Variants in SOX5 observed in about 807,000 individuals in gnomAD.
The protein encoded by SOX5 is transcription factor SOX-5.
SOX5 carries 9 observed loss-of-function variants against 92.0 expected under a neutral mutation model. That is an observed-to-expected ratio of 0.10 (90% CI 0.06 to 0.17). The LOEUF (loss-of-function observed/expected upper bound fraction) is 0.17, where lower values mean the gene tolerates loss of function less well. Ranked by LOEUF, SOX5 falls within the 10% of genes least tolerant of loss-of-function variation. SOX5 has a pLI of 1.00. For synonymous variants in SOX5, 344 were observed against 336.3 expected (o/e 1.02, Z -0.25); for missense variants, 642 against 944.5 (o/e 0.68, Z 4.20).
At chr12:24,261,019 T>TA (rs1223685717) in intron 3 of SOX5, among the ~76,000 whole-genome samples, 2 of 152,308 alleles carry the variant, frequency 1.3e-5, no homozygotes, top group East Asian at 3.9e-4. Context: ...TAGTAATTCT[T>TA]ATAGGTTTGT....
intron 7 of SOX5, among the ~76,000 whole-genome samples, chr12:23,645,518 T>C (rs1196560329): frequency 1.3e-5 from 2 of 152,156 alleles, no homozygotes; most frequent in African/African-American, 2.4e-5. Flanking sequence ...TGGTTCTCCA[T>C]CCTAGAGACA....
At position 23,688,584 on chromosome 12, in the gene SOX5, A is replaced by C. The variant is rs750481282; in HGVS notation, c.811-23020T>G. ...TAGTGGTTTCCTATGCCTCACTTAC[A>C]TTCTATACCTCTCTCTATCCCTTAT... On this transcript the variant is annotated intron_variant, in intron 6 of 14. Transcript: ENST00000451604. Among the ~76,000 whole-genome samples the C allele has an allele frequency of 2.0e-5, 3 of 152,048 alleles. No individual in the cohort carries two copies. In the East Asian group the frequency reaches 5.8e-4, roughly 29 times the overall value.
chr12:23,845,312 ATGAT>A (rs2096562800), intron 3 of SOX5, among the ~76,000 whole-genome samples: 2 of 152,332 alleles, frequency 1.3e-5, no homozygotes, highest in African/African-American at 4.8e-5. Context: ...AACATAAAGG[ATGAT>A]TGTCAATTAT....
At chr12:24,478,300 C>G in intron 1 of SOX5, among the ~76,000 whole-genome samples, 1 of 152,170 alleles carries the variant, frequency 6.6e-6, no homozygotes, top group South Asian at 2.1e-4. Context: ...CCATTAAGAT[C>G]ACCAAAGCAT....
At chr12:23,713,059 T>C (rs936107351) in intron 6 of SOX5, among the ~76,000 whole-genome samples, 23 of 152,200 alleles carry the variant, frequency 1.5e-4, no homozygotes, top group African/African-American at 5.1e-4. Flanking sequence ...TGAGATAATC[T>C]TGGATTTGGA....
At chr12:24,412,090 T>G (rs1001923872) in intron 1 of SOX5, among the ~76,000 whole-genome samples, 19 of 152,180 alleles carry the variant, frequency 1.2e-4, no homozygotes, top group Non-Finnish European at 2.5e-4. Context: ...ATTATCCTTT[T>G]GGTGTCTGCA....
chr12:24,230,692 T>C (rs1963199195), intron 3 of SOX5: 1 of 152,082 alleles, frequency 6.6e-6, no homozygotes, highest in South Asian at 2.1e-4. Flanking sequence ...TAGAAGATGA[T>C]AAAAACAAAG....
At chr12:23,899,529 G>C (rs953281927) in intron 1 of SOX5, among the ~76,000 whole-genome samples, 1 of 152,056 alleles carries the variant, frequency 6.6e-6, no homozygotes, top group Non-Finnish European at 1.5e-5. Context: ...GCTGGCGTAT[G>C]CTCTTATCCT....
intron 8 of SOX5, among the ~76,000 whole-genome samples, chr12:23,627,567 A>G (rs2077992837): frequency 6.6e-6 from 1 of 152,126 alleles, no homozygotes; most frequent in Non-Finnish European, 1.5e-5. Context: ...GAATGCTTAC[A>G]CTACGCTGAG....
chr12:24,313,926 T>G (rs1243264976), intron 2 of SOX5, among the ~76,000 whole-genome samples: 3 of 152,032 alleles, frequency 2.0e-5, no homozygotes, highest in African/African-American at 7.2e-5. Context: ...AATGCCCACT[T>G]TTCAGTTACT....
intron 1 of SOX5, among the ~76,000 whole-genome samples, chr12:24,516,769 C>CA (rs1417194816): frequency 2.0e-5 from 3 of 152,196 alleles, no homozygotes; most frequent in Non-Finnish European, 2.9e-5. Context: ...AATTATAAAT[C>CA]AGGCAGCATT....
chr12:23,953,296 T>G (rs372329068), upstream of SOX5, among the ~76,000 whole-genome samples: 27 of 152,204 alleles, frequency 1.8e-4, no homozygotes, highest in Admixed American at 1.2e-3. Context: ...TAATTGAATC[T>G]TTTAAATTTT....
At chr12:24,172,501 T>G (rs1223216819) in intron 4 of SOX5, among the ~76,000 whole-genome samples, 1 of 151,988 alleles carries the variant, frequency 6.6e-6, no homozygotes, top group Admixed American at 6.6e-5. Context: ...TTCGTGTCAT[T>G]GCACTCCAGC....
intron 7 of SOX5, among the ~76,000 whole-genome samples, chr12:23,645,661 T>C (rs1188096244): frequency 6.6e-6 from 1 of 152,326 alleles, no homozygotes; most frequent in African/African-American, 2.4e-5. Context: ...TTACTTATAA[T>C]ACAGATTATT....
chr12:23,606,267 A>T (rs1174334650), intron 8 of SOX5, among the ~76,000 whole-genome samples: 1 of 151,122 alleles, frequency 6.6e-6, no homozygotes, highest in East Asian at 1.9e-4. Flanking sequence ...TATTGAATTT[A>T]AAAACTATAT....
chr12:23,570,706 C>A (rs1356926468), intron 10 of SOX5, among the ~76,000 whole-genome samples: 1 of 150,946 alleles, frequency 6.6e-6, no homozygotes, highest in African/African-American at 2.4e-5. Flanking sequence ...GTCAGGAGAT[C>A]GAGACCATCC....
intron 8 of SOX5, among the ~76,000 whole-genome samples, chr12:23,620,256 G>A (rs1230955715): frequency 6.6e-6 from 1 of 152,120 alleles, no homozygotes; most frequent in East Asian, 1.9e-4. Flanking sequence ...CAGTGGGAGA[G>A]ATGTCTACAA....
At chr12:23,982,956 A>C (rs968809422) in intron 4 of SOX5, among the ~76,000 whole-genome samples, 2 of 152,094 alleles carry the variant, frequency 1.3e-5, no homozygotes, top group Non-Finnish European at 2.9e-5. Context: ...TCTATGGAAC[A>C]GTGTAGTAGG....
At chr12:24,137,589 G>T (rs530152623) in intron 4 of SOX5, among the ~76,000 whole-genome samples, 1 of 152,090 alleles carries the variant, frequency 6.6e-6, no homozygotes, top group African/African-American at 2.4e-5. Flanking sequence ...CAGAAGTCAC[G>T]CCACTGCAAT....
Sources: allele counts gnomAD v4.1 joint callset (sites outside exome capture counted in the v4.1 genomes callset), GRCh38; gene constraint gnomAD v4.1.1; transcripts MANE v1.5; gene names NCBI Gene and HGNC (gene_info 2026-07-23, HGNC 2026-07-21).